The following TRAPPC9 variants were observed in gnomAD, a reference collection of about 807,000 sequenced individuals.
The protein encoded by TRAPPC9 is IKK2 binding protein.
A neutral mutation model predicts 124.0 loss-of-function variants in TRAPPC9; 83 were observed. That is an observed-to-expected ratio of 0.67 (90% CI 0.56 to 0.80). The LOEUF is 0.80. Ranked by LOEUF, TRAPPC9 falls within the 30% of genes least tolerant of loss-of-function variation. The probability of loss-of-function intolerance (pLI) is 0.00; values close to 1 mark genes in which losing one functional copy is unlikely to be tolerated. For synonymous variants in TRAPPC9, 638 were observed against 617.5 expected, an observed-to-expected ratio of 1.03 and a Z score of -0.49; for missense variants, 1,302 against 1,508.3, an observed-to-expected ratio of 0.86 and a Z score of 2.27.
At chr8:139,736,742 T>A (rs1303948044) in intron 21 of TRAPPC9, among the ~76,000 whole-genome samples, 1 of 152,220 alleles carries the variant, frequency 6.6e-6, no homozygotes, top group Non-Finnish European at 1.5e-5. Flanking sequence ...ATGGCAGGGC[T>A]GTGCCCGGGT....
At chr8:139,837,152 T>C (rs1487136428) in intron 21 of TRAPPC9, among the ~76,000 whole-genome samples, 1 of 152,074 alleles carries the variant, frequency 6.6e-6, no homozygotes, top group Non-Finnish European at 1.5e-5. Flanking sequence ...CTCAAGATAA[T>C]ACATCTGCAA....
intron 17 of TRAPPC9, among the ~76,000 whole-genome samples, chr8:140,089,377 AT>A (rs1844417634): frequency 1.3e-5 from 2 of 152,340 alleles, no homozygotes; most frequent in South Asian, 4.1e-4. Flanking sequence ...TAGAAAGACC[AT>A]AGGGTATATA....
At chr8:139,758,933 G>A (rs952633825) in intron 21 of TRAPPC9, among the ~76,000 whole-genome samples, 10 of 152,202 alleles carry the variant, frequency 6.6e-5, no homozygotes, top group African/African-American at 2.2e-4. Context: ...GGAGCCAGGT[G>A]GAGACTGTGG....
At chr8:139,905,448 G>A (rs1472565561) in intron 20 of TRAPPC9, among the ~76,000 whole-genome samples, 1 of 152,222 alleles carries the variant, frequency 6.6e-6, no homozygotes, top group African/African-American at 2.4e-5. Context: ...AAGGGACACA[G>A]GGAGAGTGCT....
rs1563738754 is a variant in TRAPPC9 at position 140,072,529 on chromosome 8, G to GAAA, written c.2557-48451_2557-48450insTTT. Among the ~76,000 whole-genome samples the GAAA allele has an allele frequency of 1.9e-3, 240 of 127,170 alleles. 2 individuals carry two copies. The highest frequency in any genetic ancestry group is 6.3e-3 in the African/African-American group (189 of 30,026). The allele number at this position is 127,170 out of a possible 152,430, so 83.4% of individuals were successfully genotyped here. A position where few individuals can be genotyped will look rare whatever the true frequency, so the allele number is the denominator to read the frequency against. On this transcript the variant is annotated intron_variant, in intron 17 of 22. Transcript: ENST00000438773. ...CGAGACTCCGTCTCAAAAAAAAAAG[G>GAAA]AGGAGGAGGAGGAGGAGGAAGAGGA... is the stretch of plus-strand genomic sequence containing the variant.
chr8:140,213,085 G>GT (rs138784892), intron 17 of TRAPPC9, among the ~76,000 whole-genome samples: 96,885 of 148,644 alleles, frequency 0.65, 32,107 homozygotes, highest in Admixed American at 0.73. Flanking sequence ...AAAAAAAAAA[G>GT]TTTTTTTGTT....
intron 21 of TRAPPC9, among the ~76,000 whole-genome samples, chr8:139,797,560 ATATT>A (rs1406403193): frequency 6.6e-6 from 1 of 152,148 alleles, no homozygotes; most frequent in African/African-American, 2.4e-5. Context: ...GCACCTGGCT[ATATT>A]TATTTATTTA....
intron 21 of TRAPPC9, among the ~76,000 whole-genome samples, chr8:139,833,584 T>C (rs1024622495): frequency 3.3e-5 from 5 of 152,248 alleles, no homozygotes; most frequent in Admixed American, 2.6e-4. Flanking sequence ...AAGCGGAGGC[T>C]TGCCCTAAAC....
intron 18 of TRAPPC9, among the ~76,000 whole-genome samples, chr8:139,998,357 C>T (rs914082800): frequency 6.6e-6 from 1 of 152,116 alleles, no homozygotes; most frequent in Admixed American, 6.6e-5. Context: ...AACTTGAACA[C>T]GAAGCAAAAA....
intron 21 of TRAPPC9, among the ~76,000 whole-genome samples, chr8:139,773,476 T>G (rs1008608324): frequency 6.6e-5 from 10 of 152,086 alleles, no homozygotes; most frequent in African/African-American, 2.4e-4. Flanking sequence ...CGAAGGGAAA[T>G]GGAGGCGATG....
chr8:139,781,107 T>A (rs1821786602), intron 21 of TRAPPC9, among the ~76,000 whole-genome samples: 1 of 152,156 alleles, frequency 6.6e-6, no homozygotes, highest in Non-Finnish European at 1.5e-5. Flanking sequence ...TTTGTTGATT[T>A]ATGACAAAAC....
intron 9 of TRAPPC9, among the ~76,000 whole-genome samples, chr8:140,335,137 T>TA (rs1207496956): frequency 6.6e-6 from 1 of 151,990 alleles, no homozygotes; most frequent in African/African-American, 2.4e-5. Context: ...CTTTACTAGA[T>TA]AGACAAAGGG....
chr8:139,810,016 A>G (rs2130738498), intron 21 of TRAPPC9, among the ~76,000 whole-genome samples: 1 of 152,312 alleles, frequency 6.6e-6, no homozygotes, highest in East Asian at 1.9e-4. Flanking sequence ...GGTAACTGGA[A>G]ACATACAGGT....
intron 21 of TRAPPC9, among the ~76,000 whole-genome samples, chr8:139,864,146 T>C (rs561056833): frequency 6.6e-6 from 1 of 152,332 alleles, no homozygotes; most frequent in East Asian, 1.9e-4. Context: ...CCCAGGACTC[T>C]TTCCTGTGCT....
At chr8:140,093,052 A>C (rs909818201) in intron 17 of TRAPPC9, among the ~76,000 whole-genome samples, 5 of 152,078 alleles carry the variant, frequency 3.3e-5, no homozygotes, top group South Asian at 2.1e-4. Flanking sequence ...GCTTTCCAGA[A>C]TGTCCCCCTG....
chr8:140,157,191 T>C (rs1266178288), intron 17 of TRAPPC9, among the ~76,000 whole-genome samples: 1 of 80,406 alleles, frequency 1.2e-5, no homozygotes, highest in East Asian at 6.0e-4. Flanking sequence ...AGCCTCCCTT[T>C]TCCATTCAAA....
chr8:140,047,182 C>G (rs1434481864), intron 17 of TRAPPC9, among the ~76,000 whole-genome samples: 2 of 152,230 alleles, frequency 1.3e-5, no homozygotes, highest in Non-Finnish European at 2.9e-5. Flanking sequence ...TCCTCAGACT[C>G]CAGGGCGGAT....
intron 20 of TRAPPC9, among the ~76,000 whole-genome samples, chr8:139,899,435 A>G (rs1830882865): frequency 6.6e-6 from 1 of 152,224 alleles, no homozygotes; most frequent in Admixed American, 6.5e-5. Flanking sequence ...CACATTTCCT[A>G]TTCATGAAGT....
chr8:140,152,055 T>C (rs2061551608), intron 17 of TRAPPC9, among the ~76,000 whole-genome samples: 1 of 152,118 alleles, frequency 6.6e-6, no homozygotes, highest in Non-Finnish European at 1.5e-5. Flanking sequence ...TCTATGACCT[T>C]GGGCTGGTTA....
Sources: gnomAD v4.1 joint callset for allele counts (sites outside exome capture counted in the v4.1 genomes callset) on GRCh38, gnomAD v4.1.1 for gene constraint, MANE v1.5 for transcripts, NCBI Gene and HGNC (gene_info 2026-07-23, HGNC 2026-07-21) for gene names.